CACNA1C: variants seen among roughly 807,000 people sequenced by gnomAD.
CACNA1C encodes calcium voltage-gated channel subunit alpha1 C.
A neutral mutation model predicts 229.0 loss-of-function variants in CACNA1C; 30 were observed. The observed-to-expected ratio is 0.13, with a 90% CI of 0.10 to 0.18. The LOEUF is 0.18. Ranked by LOEUF, CACNA1C falls within the 10% of genes least tolerant of loss-of-function variation. CACNA1C has a pLI of 1.00. For missense variants in CACNA1C, 1,658 were observed against 2,845.0 expected, an observed-to-expected ratio of 0.58 and a Z score of 9.49; for synonymous variants, 1,114 against 1,132.5, an observed-to-expected ratio of 0.98 and a Z score of 0.33.
intron 3 of CACNA1C, among the ~76,000 whole-genome samples, chr12:2,394,109 C>CAA (rs60498219): frequency 8.9e-4 from 101 of 113,276 alleles, no homozygotes; most frequent in East Asian, 1.8e-3. Flanking sequence ...TGTCTCTAAA[C>CAA]AAAAAAAAAA....
chr12:2,345,511 C>T (rs968553818), intron 3 of CACNA1C, among the ~76,000 whole-genome samples: 1 of 152,146 alleles, frequency 6.6e-6, no homozygotes, highest in Non-Finnish European at 1.5e-5. Context: ...TTACAAATAA[C>T]CCGGAAGTTA....
chr12:2,367,133 G>A (rs1470641186), intron 3 of CACNA1C, among the ~76,000 whole-genome samples: 1 of 152,192 alleles, frequency 6.6e-6, no homozygotes, highest in African/African-American at 2.4e-5. Flanking sequence ...CTGAAGGGAT[G>A]GGGGCAGGGT....
chr12:2,142,686 A>G (rs1240392022), intron 3 of CACNA1C, among the ~76,000 whole-genome samples: 3 of 151,252 alleles, frequency 2.0e-5, no homozygotes, highest in Admixed American at 6.6e-5. Flanking sequence ...GATCCTGACC[A>G]AGGATCCTGA....
At chr12:2,207,355 G>A (rs1303435250) in intron 3 of CACNA1C, among the ~76,000 whole-genome samples, 2 of 152,180 alleles carry the variant, frequency 1.3e-5, no homozygotes, top group East Asian at 1.9e-4. Context: ...TCAGGAGCAC[G>A]TTATATTCAT....
At chr12:2,391,915 C>T (rs563469941) in intron 3 of CACNA1C, among the ~76,000 whole-genome samples, 1 of 152,348 alleles carries the variant, frequency 6.6e-6, no homozygotes, top group Non-Finnish European at 1.5e-5. Flanking sequence ...TCAGCTGCCA[C>T]GTGGCTGGTG....
In CACNA1C at chr12:2,054,236, C is replaced by T. The variant is rs749138969; in HGVS notation, c.49+625C>T. On this transcript the variant is annotated intron_variant, in intron 1 of 46. Transcript: ENST00000399655. The surrounding 1 kb of genome is among the most constrained non-coding windows in gnomAD (Gnocchi z 5.5). ...TTCCCCCTCTGTAGGTCCCCTTCTT[C>T]CTCTCTCCCTCCCTCCTCCGCCGCT... 1.2e-4 allele frequency among the ~76,000 whole-genome samples: 19 copies of T among 152,106 alleles called. No homozygotes were observed. Among genetic ancestry groups the T allele is most frequent in the Non-Finnish European group, 7.4e-5 (5 of 67,992 alleles).
At chr12:2,421,650 C>T (rs1456074560) in intron 3 of CACNA1C, among the ~76,000 whole-genome samples, 1 of 152,194 alleles carries the variant, frequency 6.6e-6, no homozygotes, top group African/African-American at 2.4e-5. Context: ...CAGTGGCTCA[C>T]ACCTGTAATC....
chr12:2,672,864 G>A (rs949987911), intron 38 of CACNA1C, among the ~76,000 whole-genome samples: 1 of 152,196 alleles, frequency 6.6e-6, no homozygotes, highest in Non-Finnish European at 1.5e-5. Context: ...CTTGCACTGC[G>A]TGTGTCAGAA....
chr12:2,415,993 A>G (rs1039493476), intron 3 of CACNA1C, among the ~76,000 whole-genome samples: 1 of 151,694 alleles, frequency 6.6e-6, no homozygotes, highest in Admixed American at 6.6e-5. Flanking sequence ...CTGTCCTCTC[A>G]GAGGAGCCCA....
chr12:2,399,189 A>G (rs776699884), intron 3 of CACNA1C, among the ~76,000 whole-genome samples: 1 of 152,124 alleles, frequency 6.6e-6, no homozygotes, highest in African/African-American at 2.4e-5. Flanking sequence ...GCCCACAACA[A>G]TGTCTAGTGG....
chr12:2,135,708 A>C (rs1203840821), intron 3 of CACNA1C, among the ~76,000 whole-genome samples: 2 of 145,730 alleles, frequency 1.4e-5, no homozygotes, highest in Non-Finnish European at 3.0e-5. Context: ...TGCTCTCTTC[A>C]AAGCTGTCAG....
chr12:2,673,299 T>G (rs949325574), intron 38 of CACNA1C, among the ~76,000 whole-genome samples: 4 of 151,884 alleles, frequency 2.6e-5, no homozygotes, highest in African/African-American at 9.7e-5. Flanking sequence ...AAACCCCATC[T>G]CTACTAAAAA....
intron 3 of CACNA1C, among the ~76,000 whole-genome samples, chr12:2,386,962 C>T (rs753272030): frequency 1.3e-5 from 2 of 152,220 alleles, no homozygotes; most frequent in Admixed American, 6.5e-5. Flanking sequence ...GGACCACATT[C>T]TGAGCTTGCT....
chr12:2,673,845 T>A (rs373457646), intron 38 of CACNA1C, among the ~76,000 whole-genome samples: 3 of 152,268 alleles, frequency 2.0e-5, no homozygotes. Context: ...GTGTGCCATA[T>A]AACCTAATCT....
At position 2,005,628 on chromosome 12, in the gene CACNA1C, G is replaced by A. The variant is rs1325152507; in HGVS notation, c.139+34427G>A. On this transcript the variant is annotated intron_variant, in intron 1 of 46. Coordinates refer to the CACNA1C transcript ENST00000682462. ...TACTTAATGTTTTTTTTTCTGATGA[G>A]ATCAGTGATGATATTAATGAGCGCA... Among the ~76,000 whole-genome samples the A allele has an allele frequency of 4.6e-5, 7 of 152,120 alleles. No individual in the cohort carries two copies. The East Asian group carries it at 7.7e-4, about 17-fold the overall frequency.
intron 13 of CACNA1C, among the ~76,000 whole-genome samples, chr12:2,570,044 C>T (rs913505237): frequency 1.3e-5 from 2 of 152,124 alleles, no homozygotes; most frequent in Non-Finnish European, 2.9e-5. Flanking sequence ...GAGATGCAGA[C>T]CTGACTTGCA....
intron 3 of CACNA1C, among the ~76,000 whole-genome samples, chr12:2,429,783 A>C (rs2099065551): frequency 6.6e-6 from 1 of 152,132 alleles, no homozygotes; most frequent in Admixed American, 6.5e-5. Context: ...CTATGGGCCA[A>C]AACACCAGCC....
chr12:2,482,014 A>T (rs939122059), intron 5 of CACNA1C, among the ~76,000 whole-genome samples: 2 of 152,208 alleles, frequency 1.3e-5, no homozygotes, highest in East Asian at 3.9e-4. Flanking sequence ...TTAGAACTTG[A>T]GTTGGAGGAG....
intron 3 of CACNA1C, among the ~76,000 whole-genome samples, chr12:2,446,088 G>A (rs2099274675): frequency 6.6e-6 from 1 of 151,652 alleles, no homozygotes; most frequent in South Asian, 2.1e-4. Flanking sequence ...TGATCAGATA[G>A]AAGAATGAGT....
Sources: gnomAD v4.1 joint callset for allele counts (sites outside exome capture counted in the v4.1 genomes callset) on GRCh38, gnomAD v4.1.1 for gene constraint, Gnocchi (gnomAD v3.1) non-coding constraint, MANE v1.5 for transcripts, NCBI Gene and HGNC (gene_info 2026-07-23, HGNC 2026-07-21) for gene names.